The following EMP2 variants were observed in gnomAD, a reference collection of about 807,000 sequenced individuals.
EMP2 encodes epithelial membrane protein 2.
Under a neutral mutation model 13.7 loss-of-function variants are expected in EMP2, and 19 were observed. That is an observed-to-expected ratio of 1.38 (90% CI 0.97 to 2.03). The LOEUF (loss-of-function observed/expected upper bound fraction) is 2.03, where lower values mean the gene tolerates loss of function less well. Among genes scored for constraint, EMP2 ranks in the 30% most tolerant of loss-of-function variants. The probability of loss-of-function intolerance (pLI) is 0.00; values close to 1 mark genes in which losing one functional copy is unlikely to be tolerated. For missense variants in EMP2, 253 were observed against 220.7 expected (o/e 1.15, Z -0.93); for synonymous variants, 97 against 84.7 (o/e 1.15, Z -0.80).
intron 1 of EMP2, among the ~76,000 whole-genome samples, chr16:10,555,299 T>A (rs981794635): frequency 2.6e-5 from 4 of 152,196 alleles, no homozygotes; most frequent in African/African-American, 7.2e-5. Context: ...CGCTGTGGAA[T>A]GCAAACTGCT....
intron 1 of EMP2, among the ~76,000 whole-genome samples, chr16:10,549,011 A>T (rs1452147086): frequency 6.6e-6 from 1 of 152,200 alleles, no homozygotes; most frequent in African/African-American, 2.4e-5. Flanking sequence ...TGACATGGCC[A>T]TTTCCGGGCT....
intron 1 of EMP2, chr16:10,576,445 C>T (rs959097320): frequency 2.0e-5 from 3 of 152,076 alleles, no homozygotes; most frequent in African/African-American, 4.8e-5. Context: ...CTTGCTTGAT[C>T]TTAAGACTAT....
intron 1 of EMP2, among the ~76,000 whole-genome samples, chr16:10,566,085 C>A (rs2050905267): frequency 6.6e-6 from 1 of 152,130 alleles, no homozygotes; most frequent in South Asian, 2.1e-4. Flanking sequence ...CTGAACATGC[C>A]CCGGGACTGG....
In EMP2 at chr16:10,532,740, A is replaced by ATT; in HGVS notation, c.*163_*164dup. 5.0e-6 allele frequency: 1 copy of ATT among 201,410 alleles called. No individual in the cohort carries two copies. The highest frequency in any genetic ancestry group is 7.7e-6 in the Non-Finnish European group (1 of 129,800). 12.5% of individuals were successfully genotyped at this position (201,410 alleles called of 1,614,324 possible). A position where few individuals can be genotyped will look rare whatever the true frequency, so the allele number is the denominator to read the frequency against. On this transcript the variant is annotated 3_prime_UTR_variant, in exon 5 of 5. Coordinates refer to ENST00000359543, the MANE Select transcript of EMP2 (RefSeq NM_001424.6). ...ATGCAAAAACTCTTCTCTCTTTTGG[A>ATT]TTTTTTTTTTCTTTTTTCTTTTTTT... is the stretch of plus-strand genomic sequence containing the variant.
At chr16:10,544,827 G>C (rs917746908) in intron 2 of EMP2, 8 of 152,308 alleles carry the variant, frequency 5.3e-5, no homozygotes, top group Non-Finnish European at 8.8e-5. Context: ...AGAGGCTGCA[G>C]TGAGCCATGA....
rs1567199104 is a variant in EMP2, at chr16:10,532,758, C to CTTTTTCTTTTTTTTTTTTTTTTTT, written c.*146_*147insAAAAAAAAAAAAAAAAAAGAAAAA. The CTTTTTCTTTTTTTTTTTTTTTTTT allele has an allele frequency of 7.7e-5, 14 of 182,528 alleles. 1 individual carries two copies. The highest frequency in any genetic ancestry group is 1.1e-4 in the Non-Finnish European group (13 of 120,332). 11.3% of individuals were successfully genotyped at this position (182,528 alleles called of 1,614,324 possible). ...CTTTTGGATTTTTTTTTTCTTTTTTCTTTTTTTTTTTTTTTTTTTTTTTTT... is the reference window on the plus strand; with the variant it reads ...CTTTTGGATTTTTTTTTTCTTTTTTCTTTTTCTTTTTTTTTTTTTTTTTTTTTTTTTTTTTTTTTTTTTTTTTTT... On this transcript the variant is annotated 3_prime_UTR_variant, in exon 5 of 5. Transcript: ENST00000359543.
chr16:10,579,738 A>ACACACACACC (rs748732742), intron 1 of EMP2, among the ~76,000 whole-genome samples: 8 of 145,106 alleles, frequency 5.5e-5, no homozygotes, highest in South Asian at 2.2e-4. Flanking sequence ...ACACACACAC[A>ACACACACACC]CCCTCAAAGC....
At chr16:10,536,537 T>C (rs185086386) in intron 4 of EMP2, among the ~76,000 whole-genome samples, 4 of 152,326 alleles carry the variant, frequency 2.6e-5, no homozygotes, top group African/African-American at 9.6e-5. Flanking sequence ...AGCCCTTTTG[T>C]TCTTCCTTTG....
At position 10,547,662 on chromosome 16, in the gene EMP2, C is replaced by T. The variant is rs1259088145; in HGVS notation, c.-45G>A. On this transcript the variant is annotated 5_prime_UTR_variant, in exon 2 of 5. Coordinates refer to ENST00000359543, the MANE Select transcript of EMP2 (RefSeq NM_001424.6). ...TCGAGGCGAGGGGTCACGTTTAAAGCCCAGAGCGGGATGTGCTGAAGAGGG... is the reference window on the plus strand; with the variant it reads ...TCGAGGCGAGGGGTCACGTTTAAAGTCCAGAGCGGGATGTGCTGAAGAGGG... 1.9e-6 allele frequency: 3 copies of T among 1,593,668 alleles called. No individual in the cohort carries two copies. The highest frequency in any genetic ancestry group is 3.4e-5 in the Admixed American group (2 of 59,644).
chr16:10,539,115 T>A (rs2050674204), intron 3 of EMP2, among the ~76,000 whole-genome samples: 2 of 151,948 alleles, frequency 1.3e-5, no homozygotes, highest in Admixed American at 1.3e-4. Flanking sequence ...GTTTGGAGGG[T>A]GCAGGCAAGG....
intron 1 of EMP2, among the ~76,000 whole-genome samples, chr16:10,570,459 G>A (rs73505803): frequency 0.11 from 16,962 of 152,018 alleles, 1,077 homozygotes; most frequent in African/African-American, 0.17. Context: ...ATGCAGTGGC[G>A]TGATCTCAAC....
intron 1 of EMP2, among the ~76,000 whole-genome samples, chr16:10,551,325 T>C (rs1056219390): frequency 6.6e-6 from 1 of 152,214 alleles, no homozygotes; most frequent in Non-Finnish European, 1.5e-5. Context: ...TGTGGGAAGG[T>C]ATTTTGAGAT....
Position 10,529,944 on chromosome 16 carries a change from AAAAAAGAAAAAG to A in EMP2, c.*2949_*2960del, listed in dbSNP as rs1555458118. 6.6e-6 allele frequency: 1 copy of A among 151,622 alleles called. No homozygotes were observed. The highest frequency in any genetic ancestry group is 1.5e-5 in the Non-Finnish European group (1 of 68,046). The allele number at this position is 151,622 out of a possible 1,614,324, so 9.4% of individuals were successfully genotyped here. ...AAAACTCAGTCTCAAAAAAAAAAAA[AAAAAAGAAAAAG>A]AAAAAAGAAAATTATAGAAAAGCCA... On this transcript the variant is annotated 3_prime_UTR_variant, in exon 5 of 5. Transcript: ENST00000359543.
chr16:10,554,190 C>T (rs1317641004), intron 1 of EMP2, among the ~76,000 whole-genome samples: 1 of 152,102 alleles, frequency 6.6e-6, no homozygotes, highest in African/African-American at 2.4e-5. Flanking sequence ...GGCCACCATG[C>T]CCAGCTAATT....
intron 1 of EMP2, among the ~76,000 whole-genome samples, chr16:10,553,840 T>C (rs1044598708): frequency 3.3e-5 from 5 of 152,210 alleles, no homozygotes; most frequent in African/African-American, 9.6e-5. Flanking sequence ...ACTTATTTCT[T>C]TGCACACATT....
intron 4 of EMP2, among the ~76,000 whole-genome samples, chr16:10,534,735 C>T (rs2050634337): frequency 6.6e-6 from 1 of 152,242 alleles, no homozygotes; most frequent in African/African-American, 2.4e-5. Flanking sequence ...CCCTGCACTC[C>T]AGCTTGGGCG....
At chr16:10,579,955 C>T (rs1110212) in intron 1 of EMP2, among the ~76,000 whole-genome samples, 36,275 of 152,150 alleles carry the variant, frequency 0.24, 4,973 homozygotes, top group Non-Finnish European at 0.31. Flanking sequence ...CACATGGGTG[C>T]GGTCTCGCCT....
chr16:10,558,280 G>T (rs892325678), intron 1 of EMP2, among the ~76,000 whole-genome samples: 21 of 152,108 alleles, frequency 1.4e-4, no homozygotes, highest in Non-Finnish European at 2.1e-4. Context: ...TCCCACCTTG[G>T]CCTCCCAAAG....
rs906910702 is a variant in EMP2 at position 10,543,478 on chromosome 16, G to C, written c.169+92C>G. 20 of 1,392,610 alleles carry C rather than the reference G, an allele frequency of 1.4e-5. No homozygotes were observed. In the South Asian group the frequency reaches 1.9e-4, roughly 13 times the overall value. The allele number at this position is 1,392,610 out of a possible 1,614,324, so 86.3% of individuals were successfully genotyped here. A position where few individuals can be genotyped will look rare whatever the true frequency, so the allele number is the denominator to read the frequency against. On this transcript the variant is annotated intron_variant, in intron 3 of 4. Transcript: ENST00000359543. ...ACCGGAGTATGCAGTGAGTGGAGGA[G>C]AGGGTACGGAGTCGGGGAACCCGAA...
Sources: gnomAD v4.1 joint callset for allele counts (sites outside exome capture counted in the v4.1 genomes callset) on GRCh38, gnomAD v4.1.1 for gene constraint, MANE v1.5 for transcripts, NCBI Gene and HGNC (gene_info 2026-07-23, HGNC 2026-07-21) for gene names.